The following ANKIB1 variants were observed in gnomAD, a reference collection of about 807,000 sequenced individuals.
ANKIB1 encodes ankyrin repeat and IBR domain containing 1, also known as ankyrin repeat and IBR domain-containing protein 1.
A neutral mutation model predicts 122.1 loss-of-function variants in ANKIB1; 43 were observed. The ratio of observed to expected loss-of-function variants is 0.35; its 90% CI spans 0.28 to 0.45. ANKIB1 has a LOEUF of 0.45. Ranked by LOEUF, ANKIB1 falls within the 20% of genes least tolerant of loss-of-function variation. The pLI, the probability that ANKIB1 is intolerant of heterozygous loss-of-function variation, is 1.00. For synonymous variants in ANKIB1, 390 were observed against 442.0 expected (o/e 0.88, Z 1.48); for missense variants, 992 against 1,329.5 (o/e 0.75, Z 3.95).
intron 9 of ANKIB1, among the ~76,000 whole-genome samples, chr7:92,354,350 G>A (rs1803737798): frequency 2.0e-5 from 3 of 152,038 alleles, no homozygotes; most frequent in Admixed American, 2.0e-4. Flanking sequence ...AAGATCACGG[G>A]CCCTACTTTG....
At chr7:92,368,751 A>G (rs925938994) in intron 10 of ANKIB1, among the ~76,000 whole-genome samples, 2 of 152,160 alleles carry the variant, frequency 1.3e-5, no homozygotes, top group South Asian at 4.1e-4. Flanking sequence ...TATAAGGGAC[A>G]GACGTATAGA....
intron 10 of ANKIB1, among the ~76,000 whole-genome samples, chr7:92,368,299 C>G (rs904743730): frequency 6.6e-6 from 1 of 150,764 alleles, no homozygotes; most frequent in African/African-American, 2.4e-5. Flanking sequence ...GACCTAAGCA[C>G]ACTAGATTAT....
At chr7:92,370,284 G>C (rs1028674963) in intron 10 of ANKIB1, among the ~76,000 whole-genome samples, 1 of 151,638 alleles carries the variant, frequency 6.6e-6, no homozygotes, top group Non-Finnish European at 1.5e-5. Context: ...CGAGGCGGGC[G>C]GATCACGAGG....
At position 92,364,289 on chromosome 7, in the gene ANKIB1, A is replaced by T. The variant is rs570997400; in HGVS notation, c.1486+2016A>T. Among the ~76,000 whole-genome samples, 6 of 130,812 alleles carry T rather than the reference A, an allele frequency of 4.6e-5. 1 individual carries two copies. The highest frequency in any genetic ancestry group is 4.2e-4 in the Admixed American group (5 of 11,872). 85.8% of individuals were successfully genotyped at this position (130,812 alleles called of 152,430 possible). ...ATTGCCCCACTGCACTCTAGCCTGG[A>T]TGCCAGAGCAAGACTCCATCTAAAA... On this transcript the variant is annotated intron_variant, in intron 10 of 19. Coordinates refer to ENST00000265742, the MANE Select transcript of ANKIB1 (RefSeq NM_019004.2).
chr7:92,289,409 A>C (rs1368842742), intron 1 of ANKIB1, among the ~76,000 whole-genome samples: 1 of 152,252 alleles, frequency 6.6e-6, no homozygotes. Flanking sequence ...GAAAGTAGAT[A>C]TTAATACTGC....
At chr7:92,286,522 C>G (rs1802129238) in intron 1 of ANKIB1, among the ~76,000 whole-genome samples, 2 of 150,656 alleles carry the variant, frequency 1.3e-5, no homozygotes, top group East Asian at 3.9e-4. Context: ...TTTTGTTGCC[C>G]AGGCTGGAGT....
intron 10 of ANKIB1, among the ~76,000 whole-genome samples, chr7:92,370,258 C>T (rs1044220724): frequency 1.3e-5 from 2 of 151,972 alleles, no homozygotes; most frequent in South Asian, 2.1e-4. Context: ...CCTGTAATCC[C>T]AGCACTTTGG....
intron 5 of ANKIB1, among the ~76,000 whole-genome samples, chr7:92,341,096 G>A (rs1803428270): frequency 6.6e-6 from 1 of 152,014 alleles, no homozygotes; most frequent in Admixed American, 6.6e-5. Context: ...CTTGAGGTCG[G>A]GAGTTTGAGA....
chr7:92,351,105 C>T lies in ANKIB1; in HGVS notation c.1230+11C>T, dbSNP rs1467952188. The T allele has an allele frequency of 6.6e-7, 1 of 1,514,296 alleles. No homozygotes were observed. Among genetic ancestry groups the T allele is most frequent in the Non-Finnish European group, 8.8e-7 (1 of 1,132,668 alleles). 93.8% of individuals were successfully genotyped at this position (1,514,296 alleles called of 1,614,324 possible). A position where few individuals can be genotyped will look rare whatever the true frequency, so the allele number is the denominator to read the frequency against. ...CAGTTTGATATTAAGGTAAGGTATA[C>T]TGCCAATTATCTGTCCAATTTCCAT... is the stretch of plus-strand genomic sequence containing the variant. On this transcript the variant is annotated intron_variant, in intron 8 of 19. Transcript: ENST00000265742.
At chr7:92,360,269 T>C (rs1234484047) in intron 9 of ANKIB1, among the ~76,000 whole-genome samples, 1 of 152,226 alleles carries the variant, frequency 6.6e-6, no homozygotes, top group East Asian at 1.9e-4. Context: ...TCTACTTTCT[T>C]TCTCTATGAA....
In ANKIB1 at chr7:92,269,039, T is replaced by A. The variant is rs1801731358; in HGVS notation, c.-91+22520T>A. 3.9e-5 allele frequency among the ~76,000 whole-genome samples: 6 copies of A among 152,250 alleles called. No homozygotes were observed. The South Asian group carries it at 1.2e-3, about 31-fold the overall frequency. The stretch of plus-strand genomic sequence containing the variant: ...GTAGGCCACAGTGTTTTCCAGACTC[T>A]TCTTAATGTTTGACTTTAAACAGGA... On this transcript the variant is annotated intron_variant, in intron 1 of 19. Transcript: ENST00000265742.
intron 1 of ANKIB1, among the ~76,000 whole-genome samples, chr7:92,285,673 A>T (rs1307732387): frequency 6.6e-6 from 1 of 152,244 alleles, no homozygotes; most frequent in Non-Finnish European, 1.5e-5. Flanking sequence ...AGGAAACAAG[A>T]TCTATACATA....
chr7:92,351,708 CT>C (rs955434488), intron 8 of ANKIB1, among the ~76,000 whole-genome samples: 50 of 135,416 alleles, frequency 3.7e-4, no homozygotes, highest in Non-Finnish European at 5.4e-4. Context: ...ACAAGTCCTC[CT>C]TTTTTTTTTT....
chr7:92,259,331 G>T (rs565634041), intron 1 of ANKIB1, among the ~76,000 whole-genome samples: 29 of 152,112 alleles, frequency 1.9e-4, no homozygotes, highest in Non-Finnish European at 3.7e-4. Flanking sequence ...TGTAGTATTT[G>T]ACTTTCTCCA....
At chr7:92,380,850 C>G (rs1804496780) in intron 11 of ANKIB1, among the ~76,000 whole-genome samples, 1 of 152,212 alleles carries the variant, frequency 6.6e-6, no homozygotes, top group Admixed American at 6.5e-5. Flanking sequence ...GCCCCATCTC[C>G]TCCAGAGGAT....
At position 92,362,225 on chromosome 7, in the gene ANKIB1, A is replaced by G; in HGVS notation, c.1438A>G (p.Thr480Ala). The change falls in exon 10 of 20, where the codon ACA (threonine) becomes GCA (alanine). Residue 480 changes from threonine to alanine, a missense_variant. Thr to Ala is a moderately conservative substitution (Grantham distance 58). Coordinates refer to ENST00000265742, the MANE Select transcript of ANKIB1 (RefSeq NM_019004.2). Reference protein sequence around the residue: ...GEAHEPCDCQTWKNWLQKITE... With the variant: ...GEAHEPCDCQAWKNWLQKITE... Reference sequence around the variant, plus strand: ...AGCACATGAGCCTTGTGACTGCCAAACATGGAAGAATTGGCTGCAAAAAAT... The same window carrying G: ...AGCACATGAGCCTTGTGACTGCCAAGCATGGAAGAATTGGCTGCAAAAAAT... 1 of 1,601,596 alleles carries G rather than the reference A, an allele frequency of 6.2e-7. No individual in the cohort carries two copies. The highest frequency in any genetic ancestry group is 1.3e-5 in the African/African-American group (1 of 74,882).
intron 3 of ANKIB1, among the ~76,000 whole-genome samples, chr7:92,309,633 A>G (rs867182919): frequency 2.0e-5 from 3 of 152,020 alleles, no homozygotes; most frequent in African/African-American, 7.2e-5. Context: ...GTGCTCTTAA[A>G]TATTTTAAAT....
chr7:92,377,455 C>T (rs1261823885), intron 11 of ANKIB1, among the ~76,000 whole-genome samples: 2 of 152,106 alleles, frequency 1.3e-5, no homozygotes, highest in African/African-American at 4.8e-5. Flanking sequence ...AAGTTTGAAA[C>T]ATTATGAGAA....
intron 2 of ANKIB1, among the ~76,000 whole-genome samples, chr7:92,301,503 C>A (rs1802457129): frequency 6.6e-6 from 1 of 152,012 alleles, no homozygotes. Context: ...AAAAATCATC[C>A]ATTTAGGTCC....
Sources: gnomAD v4.1 joint callset for allele counts (sites outside exome capture counted in the v4.1 genomes callset) on GRCh38, gnomAD v4.1.1 for gene constraint, MANE v1.5 for transcripts, NCBI Gene and HGNC (gene_info 2026-07-23, HGNC 2026-07-21) for gene names.